GAL: variants seen among roughly 807,000 people sequenced by gnomAD.
GAL encodes the protein galanin peptides.
Under a neutral mutation model 15.8 loss-of-function variants are expected in GAL, and 14 were observed. The ratio of observed to expected loss-of-function variants is 0.89; its 90% confidence interval spans 0.59 to 1.39. GAL has a LOEUF of 1.39. GAL is among the 40% of genes most tolerant of loss of function. The probability of loss-of-function intolerance (pLI) is 0.00; values close to 1 mark genes in which losing one functional copy is unlikely to be tolerated. For synonymous variants in GAL, 79 were observed against 73.8 expected (o/e 1.07, Z -0.36); for missense variants, 176 against 170.4 (o/e 1.03, Z -0.18).
intron 2 of GAL, 63 bp from the exon 3 acceptor site, chr11:68,685,531 G>A (rs1945843355): frequency 1.8e-6 from 2 of 1,108,886 alleles, no homozygotes; most frequent in African/African-American, 3.1e-5. Context: ...AAGCCTGGGT[G>A]CACCCATTCA....
intron 1 of GAL, 82 bp downstream of exon 1, chr11:68,684,814 G>C (rs1229612714): frequency 1.5e-6 from 1 of 654,352 alleles, no homozygotes; most frequent in East Asian, 2.8e-5. Context: ...GTTCTGCCAG[G>C]GCCCTGGCCC....
intron 3 of GAL, among the ~76,000 whole-genome samples, chr11:68,685,857 G>T (rs1945847878): frequency 6.6e-6 from 1 of 152,000 alleles, no homozygotes; most frequent in Non-Finnish European, 1.5e-5. Flanking sequence ...CTGTCCCGGG[G>T]TGAGATTCCC....
Position 68,688,895 on chromosome 11 carries a change from C to A in GAL, c.270C>A (p.Ile90=). 2.6e-6 allele frequency: 4 copies of A among 1,562,560 alleles called. No homozygotes were observed. Among genetic ancestry groups the A allele is most frequent in the Non-Finnish European group, 2.6e-6 (3 of 1,133,052 alleles). Reference sequence around the variant, plus strand: ...CTGAAAACAATATCATGCGCACAATCATTGAGTTTCTGTCTTTCTTGCATC... The same window carrying A: ...CTGAAAACAATATCATGCGCACAATAATTGAGTTTCTGTCTTTCTTGCATC... ...SIPENNIMRT[I]IEFLSFLHLK... The change falls in exon 5 of 6, where the codon ATC becomes ATA. Residue 90 remains isoleucine, a synonymous_variant. Transcript: ENST00000265643.
At chr11:68,690,741 G>A (rs947157505) in intron 5 of GAL, among the ~76,000 whole-genome samples, 176 bp from the exon 6 acceptor site, 1 of 152,216 alleles carries the variant, frequency 6.6e-6, no homozygotes, top group Non-Finnish European at 1.5e-5. Context: ...AACTGTGGGA[G>A]TTAAATCATT....
Position 68,684,991 on chromosome 11 carries a change from G to T in GAL, c.68G>T (p.Gly23Val), listed in dbSNP as rs1360239843. Residue 23 changes from glycine to valine, a missense_variant, in exon 2 of 6, where the codon GGG becomes GTG. Coordinates refer to ENST00000265643, the MANE Select transcript of GAL (RefSeq NM_015973.5). ...LLAAALSASAGLWSPAKEKRG... is the reference protein window; with the variant it reads ...LLAAALSASAVLWSPAKEKRG... ...GCCGCGGCCCTTTCTGCCTCTGCGGGGCTCTGGTCGCCGGTAAGTGCGGGG... is the reference window on the plus strand; with the variant it reads ...GCCGCGGCCCTTTCTGCCTCTGCGGTGCTCTGGTCGCCGGTAAGTGCGGGG... 6.2e-7 allele frequency: 1 copy of T among 1,600,592 alleles called. No individual in the cohort carries two copies. Among genetic ancestry groups the T allele is most frequent in the Non-Finnish European group, 8.5e-7 (1 of 1,173,458 alleles).
intron 3 of GAL, among the ~76,000 whole-genome samples, chr11:68,685,951 C>T (rs912358626): frequency 3.3e-5 from 5 of 152,166 alleles, no homozygotes; most frequent in Non-Finnish European, 5.9e-5. Flanking sequence ...CCCAGGCCCC[C>T]GGGTCTCCCA....
intron 4 of GAL, 91 bp from the exon 5 acceptor site, chr11:68,688,758 C>T (rs1945877772): frequency 2.8e-6 from 2 of 716,902 alleles, no homozygotes; most frequent in East Asian, 2.6e-5. Context: ...ATTGACCTTG[C>T]AGCGCCCAGC....
rs1945831323 is a variant in GAL at position 68,684,656 on chromosome 11, C to A, written c.-77C>A. 2.9e-6 allele frequency: 1 copy of A among 348,392 alleles called. No homozygotes were observed. The highest frequency in any genetic ancestry group is 5.2e-6 in the Non-Finnish European group (1 of 194,160). 21.6% of individuals were successfully genotyped at this position (348,392 alleles called of 1,614,324 possible). ...CCAGAGCCCACCCGACCCGGCCCGA[C>A]GCCCGGACCTGCCGCCCAGACCCGC... On this transcript the variant is annotated 5_prime_UTR_variant, in exon 1 of 6. Transcript: ENST00000265643.
Position 68,690,922 on chromosome 11 carries a change from G to A in GAL, c.307G>A (p.Gly103Ser), listed in dbSNP as rs749401752. The A allele has an allele frequency of 1.6e-5, 26 of 1,610,838 alleles. No individual in the cohort carries two copies. Among genetic ancestry groups the A allele is most frequent in the Middle Eastern group, 3.3e-4 (2 of 6,058 alleles). The stretch of plus-strand genomic sequence containing the variant: ...TGTGGCTCTTCCCTTTGCAGAGGCC[G>A]GTGCCCTCGACCGCCTCCTGGATCT... ...FLSFLHLKEA[G>S]ALDRLLDLPA... is the part of the protein sequence containing the mutation. The change falls in exon 6 of 6, where the codon GGT (glycine) becomes AGT (serine). Residue 103 changes from glycine to serine, a missense_variant. Gly to Ser is a moderately conservative substitution (Grantham distance 56). Coordinates refer to ENST00000265643, the MANE Select transcript of GAL (RefSeq NM_015973.5).
intron 3 of GAL, among the ~76,000 whole-genome samples, chr11:68,687,750 C>G (rs1002455455): frequency 6.6e-6 from 1 of 152,170 alleles, no homozygotes; most frequent in South Asian, 2.1e-4. Flanking sequence ...GCCTCTCCCC[C>G]ACTTCAGGAG....
intron 5 of GAL, 33 bp downstream of exon 5, chr11:68,688,959 T>C (rs1197516003): frequency 9.9e-7 from 1 of 1,009,532 alleles, no homozygotes; most frequent in African/African-American, 1.6e-5. Context: ...AACATTCATC[T>C]CTTAGTACAC....
chr11:68,690,745 A>G (rs1056302468), intron 5 of GAL, among the ~76,000 whole-genome samples, 172 bp from the exon 6 acceptor site: 1 of 152,210 alleles, frequency 6.6e-6, no homozygotes, highest in Non-Finnish European at 1.5e-5. Flanking sequence ...GTGGGAGTTA[A>G]ATCATTACGA....
intron 4 of GAL, among the ~76,000 whole-genome samples, chr11:68,688,592 G>A (rs1353920952): frequency 6.6e-6 from 1 of 152,180 alleles, no homozygotes; most frequent in Non-Finnish European, 1.5e-5. Flanking sequence ...TCATGACACT[G>A]CATTCCAGCC....
chr11:68,686,325 G>C (rs1403199777), intron 3 of GAL, among the ~76,000 whole-genome samples: 1 of 152,132 alleles, frequency 6.6e-6, no homozygotes, highest in Non-Finnish European at 1.5e-5. Context: ...TCCTCCAAAG[G>C]AGGGGACAAG....
chr11:68,691,111 G>T lies in GAL; in HGVS notation c.*124G>T. On this transcript the variant is annotated 3_prime_UTR_variant, in exon 6 of 6. Transcript: ENST00000265643. Reference sequence around the variant, plus strand: ...GTTCTCTTTGCCTTGATGTTGTGTTGTTATCATTTAAGATTTTTTTTTTTT... The same window carrying T: ...GTTCTCTTTGCCTTGATGTTGTGTTTTTATCATTTAAGATTTTTTTTTTTT... 1.3e-5 allele frequency: 8 copies of T among 630,626 alleles called. No individual in the cohort carries two copies. The highest frequency in any genetic ancestry group is 3.8e-5 in the South Asian group (2 of 52,178). 39.1% of individuals were successfully genotyped at this position (630,626 alleles called of 1,614,324 possible).
intron 5 of GAL, among the ~76,000 whole-genome samples, chr11:68,689,348 T>C (rs1945884585): frequency 6.6e-6 from 1 of 152,108 alleles, no homozygotes; most frequent in Non-Finnish European, 1.5e-5. Flanking sequence ...TCTCTTTTCT[T>C]TCTTTCTTCT....
chr11:68,685,872 T>A (rs919702597), intron 3 of GAL, among the ~76,000 whole-genome samples: 1 of 152,106 alleles, frequency 6.6e-6, no homozygotes. Flanking sequence ...ATTCCCACCC[T>A]GGGCTTTGCT....
intron 1 of GAL, 45 bp downstream of exon 1, chr11:68,684,777 C>A: frequency 1.9e-6 from 1 of 532,210 alleles, no homozygotes; most frequent in Non-Finnish European, 3.3e-6. Context: ...GGAGGCCTCC[C>A]CTTCGGCTTT....
At chr11:68,684,852 C>A in intron 1 of GAL, 72 bp from the exon 2 acceptor site, 1 of 904,976 alleles carries the variant, frequency 1.1e-6, no homozygotes. Context: ...CTCCCCGCAG[C>A]CCCGGCACTC....
Sources: gnomAD v4.1 joint callset for allele counts (sites outside exome capture counted in the v4.1 genomes callset) on GRCh38, gnomAD v4.1.1 for gene constraint, MANE v1.5 for transcripts, NCBI Gene and HGNC (gene_info 2026-07-23, HGNC 2026-07-21) for gene names.